CD36: variants seen among roughly 807,000 people sequenced by gnomAD.
The protein encoded by CD36 is CD36 molecule (CD36 blood group), also known as platelet glycoprotein 4.
In CD36, 119 loss-of-function variants were observed where a neutral mutation model predicts 55.2. That is an observed-to-expected ratio of 2.15 (90% confidence interval 1.86 to 2.51). The LOEUF is 2.51. CD36 is among the 30% of genes most tolerant of loss of function. The pLI, the probability that CD36 is intolerant of heterozygous loss-of-function variation, is 0.00. For missense variants in CD36, 819 were observed against 555.5 expected (o/e 1.47, Z -4.77); for synonymous variants, 186 against 193.6 (o/e 0.96, Z 0.33).
upstream of CD36, among the ~76,000 whole-genome samples, chr7:80,634,917 A>G (rs985677285): frequency 1.3e-5 from 2 of 152,286 alleles, no homozygotes; most frequent in Middle Eastern, 6.8e-3. Context: ...TAAGTTACAC[A>G]TACAAACAGA....
At chr7:80,636,070 A>C (rs1453177346), upstream of CD36, among the ~76,000 whole-genome samples, 1 of 152,084 alleles carries the variant, frequency 6.6e-6, no homozygotes, top group Non-Finnish European at 1.5e-5. Context: ...CTCTGCAAAA[A>C]CCCAACATTC....
At chr7:80,642,946 A>C (rs574667931) in intron 1 of CD36, among the ~76,000 whole-genome samples, 1 of 152,322 alleles carries the variant, frequency 6.6e-6, no homozygotes, top group Admixed American at 6.5e-5. Flanking sequence ...ACTCTACAGC[A>C]GTGGGATGTG....
intron 1 of CD36, among the ~76,000 whole-genome samples, chr7:80,627,607 T>TA (rs923324016): frequency 2.0e-5 from 3 of 151,062 alleles, no homozygotes; most frequent in South Asian, 2.1e-4. Flanking sequence ...GATTGGCATG[T>TA]AAAAAAAAAT....
chr7:80,628,732 C>T (rs981056559), intron 1 of CD36, among the ~76,000 whole-genome samples: 15 of 152,016 alleles, frequency 9.9e-5, no homozygotes, highest in Admixed American at 2.0e-4. Flanking sequence ...CATCTACCCA[C>T]GGTAGTCAGA....
intron 3 of CD36, among the ~76,000 whole-genome samples, chr7:80,650,229 C>T (rs552317463): frequency 3.1e-4 from 47 of 152,070 alleles, no homozygotes; most frequent in African/African-American, 1.1e-3. Context: ...CATCAGAATC[C>T]TTATATTGGT....
chr7:80,606,487 G>T (rs1386680186), intron 1 of CD36, among the ~76,000 whole-genome samples: 1 of 152,150 alleles, frequency 6.6e-6, no homozygotes, highest in Admixed American at 6.5e-5. Context: ...ATGTCTCAGT[G>T]AATCAATTCA....
At chr7:80,616,421 C>CTG (rs143980767) in intron 1 of CD36, among the ~76,000 whole-genome samples, 7,749 of 145,390 alleles carry the variant, frequency 0.053, 365 homozygotes, top group African/African-American at 0.13. Context: ...TGGGGACCAT[C>CTG]TGTGTGTGTG....
At chr7:80,670,304 A>G (rs1455461174) in intron 9 of CD36, 1 of 423,370 alleles carries the variant, frequency 2.4e-6, no homozygotes, top group Non-Finnish European at 4.4e-6. Context: ...CATACAGAGA[A>G]GATGATGCAA....
intron 8 of CD36, among the ~76,000 whole-genome samples, chr7:80,667,451 AG>A (rs1797201407): frequency 1.3e-5 from 2 of 150,214 alleles, no homozygotes; most frequent in Non-Finnish European, 3.0e-5. Flanking sequence ...AAAAAAAAAA[AG>A]TGGTGGGAAT....
chr7:80,639,984 A>G (rs537746598), intron 1 of CD36: 56 of 152,014 alleles, frequency 3.7e-4, no homozygotes, highest in African/African-American at 1.3e-3. Context: ...TATAGTTGCC[A>G]CCCTATTTTT....
At position 80,666,561 on chromosome 7, in the gene CD36, C is replaced by G. The variant is rs1320973872; in HGVS notation, c.748+72C>G. On this transcript the variant is annotated intron_variant, in intron 8 of 14. Coordinates refer to ENST00000447544, the MANE Select transcript of CD36 (RefSeq NM_001001548.3). ...TCCCACAAATCCACCGTTGTACTGA[C>G]AGTGTTCTGAAAGTTGAGGGTGTGT... 5.2e-6 allele frequency: 6 copies of G among 1,153,542 alleles called. No homozygotes were observed. In the Admixed American group the frequency reaches 1.0e-4, roughly 19 times the overall value. 71.5% of individuals were successfully genotyped at this position (1,153,542 alleles called of 1,614,324 possible). A position where few individuals can be genotyped will look rare whatever the true frequency, so the allele number is the denominator to read the frequency against.
intron 13 of CD36, 35 bp downstream of exon 13, chr7:80,673,444 C>CCTT (rs757320053): frequency 8.0e-7 from 1 of 1,244,242 alleles, no homozygotes; most frequent in Non-Finnish European, 1.2e-6. Context: ...TTAAAAACAA[C>CCTT]CTTCTTTGTA....
intron 1 of CD36, among the ~76,000 whole-genome samples, chr7:80,626,559 C>A (rs1793750891): frequency 1.3e-5 from 2 of 151,794 alleles, no homozygotes; most frequent in Non-Finnish European, 2.9e-5. Context: ...ATACTTCTAT[C>A]CAATTAATAG....
chr7:80,674,045 C>A lies in CD36; in HGVS notation c.1317C>A (p.Asn439Lys). The change falls in exon 14 of 15, where the codon AAC (asparagine) becomes AAA (lysine). Residue 439 changes from asparagine to lysine, a missense_variant. Physicochemically the swap from Asn to Lys is moderately conservative, Grantham distance 94. Transcript: ENST00000447544. ...GAAGTCAAGTAACTGGAAAAATAAACCTCCTTGGCCTGATAGAAATGATCT... is the reference window on the plus strand; with the variant it reads ...GAAGTCAAGTAACTGGAAAAATAAAACTCCTTGGCCTGATAGAAATGATCT... ...MFRSQVTGKI[N>K]LLGLIEMILL... 4 of 1,611,898 alleles carry A rather than the reference C, an allele frequency of 2.5e-6. 1 individual carries two copies. In the South Asian group the frequency reaches 4.4e-5, roughly 18 times the overall value.
chr7:80,670,259 C>G, intron 9 of CD36: 1 of 509,174 alleles, frequency 2.0e-6, no homozygotes, highest in Non-Finnish European at 3.5e-6. Flanking sequence ...TATTAACGAT[C>G]AAGTCCAGAA....
chr7:80,639,042 ACTT>A (rs1794630261), intron 1 of CD36, among the ~76,000 whole-genome samples: 4 of 152,136 alleles, frequency 2.6e-5, no homozygotes, highest in Admixed American at 2.0e-4. Flanking sequence ...TTATTATAAA[ACTT>A]TCATTTTATA....
At chr7:80,667,223 G>T (rs1379047548) in intron 8 of CD36, among the ~76,000 whole-genome samples, 4 of 151,864 alleles carry the variant, frequency 2.6e-5, no homozygotes, top group Non-Finnish European at 5.9e-5. Context: ...TGCCCCGGAG[G>T]TTGAGACCAG....
intron 3 of CD36, among the ~76,000 whole-genome samples, chr7:80,652,660 T>A (rs1409373059): frequency 6.6e-6 from 1 of 152,196 alleles, no homozygotes; most frequent in Non-Finnish European, 1.5e-5. Flanking sequence ...AAGAGAAATA[T>A]TAAAATGATT....
chr7:80,607,894 C>T (rs1177067080), intron 1 of CD36, among the ~76,000 whole-genome samples: 1 of 152,128 alleles, frequency 6.6e-6, no homozygotes, highest in East Asian at 1.9e-4. Flanking sequence ...GCCTCATCCT[C>T]CCGAGTGCTG....
Sources: allele counts gnomAD v4.1 joint callset (sites outside exome capture counted in the v4.1 genomes callset), GRCh38; gene constraint gnomAD v4.1.1; transcripts MANE v1.5; gene names NCBI Gene and HGNC (gene_info 2026-07-23, HGNC 2026-07-21).